ASTN2: variants seen among roughly 807,000 people sequenced by gnomAD.
ASTN2 encodes the protein astrotactin 2, also known as astrotactin-2.
In ASTN2, 54 loss-of-function variants were observed where a neutral mutation model predicts 139.8. The observed-to-expected ratio is 0.39, with a 90% CI of 0.31 to 0.48. The LOEUF (loss-of-function observed/expected upper bound fraction) is 0.48. Ranked by LOEUF, ASTN2 falls within the 20% of genes least tolerant of loss-of-function variation. The pLI is 0.95. For synonymous variants in ASTN2, 756 were observed against 719.5 expected, an observed-to-expected ratio of 1.05 and a Z score of -0.81; for missense variants, 1,565 against 1,725.1, an observed-to-expected ratio of 0.91 and a Z score of 1.64.
chr9:117,333,597 G>T (rs1053632722), intron 1 of ASTN2, among the ~76,000 whole-genome samples: 1 of 152,130 alleles, frequency 6.6e-6, no homozygotes, highest in Non-Finnish European at 1.5e-5. Flanking sequence ...TTCCACATAA[G>T]ACTTCAATAA....
chr9:116,747,399 G>A (rs951576487), intron 13 of ASTN2, among the ~76,000 whole-genome samples: 49 of 152,146 alleles, frequency 3.2e-4, no homozygotes, highest in African/African-American at 1.1e-3. Context: ...TGCAAATGCC[G>A]ATGCTGGTTG....
intron 1 of ASTN2, among the ~76,000 whole-genome samples, chr9:117,319,759 A>G (rs968036913): frequency 4.6e-5 from 7 of 152,138 alleles, no homozygotes; most frequent in Admixed American, 4.6e-4. Context: ...ATTAAGGCTC[A>G]ATGAGGTATT....
intron 1 of ASTN2, among the ~76,000 whole-genome samples, chr9:117,313,985 CCTT>C (rs755487853): frequency 6.6e-6 from 1 of 152,180 alleles, no homozygotes; most frequent in Non-Finnish European, 1.5e-5. Flanking sequence ...AAAATTCCCT[CCTT>C]GTTTTGTGCA....
intron 6 of ASTN2, among the ~76,000 whole-genome samples, chr9:117,028,095 G>A (rs1319761693): frequency 1.3e-5 from 2 of 152,118 alleles, no homozygotes; most frequent in Admixed American, 1.3e-4. Context: ...GTTAATCCCA[G>A]AATCTAAGTC....
intron 13 of ASTN2, among the ~76,000 whole-genome samples, chr9:116,744,175 C>A (rs780704282): frequency 6.6e-6 from 1 of 151,932 alleles, no homozygotes; most frequent in Non-Finnish European, 1.5e-5. Flanking sequence ...TGTGTGTGGG[C>A]GCATGTGTGT....
chr9:116,920,478 G>C (rs1834574356), intron 10 of ASTN2, among the ~76,000 whole-genome samples: 2 of 152,148 alleles, frequency 1.3e-5, no homozygotes, highest in Admixed American at 1.3e-4. Flanking sequence ...AAAAATCCTG[G>C]GTCAGGATCC....
At chr9:117,351,792 T>C (rs1829398484) in intron 1 of ASTN2, among the ~76,000 whole-genome samples, 1 of 152,080 alleles carries the variant, frequency 6.6e-6, no homozygotes, top group African/African-American at 2.4e-5. Context: ...CTATATTAGT[T>C]CATTAATTTG....
chr9:117,403,643 A>C (rs1433952326), intron 1 of ASTN2, among the ~76,000 whole-genome samples: 2 of 152,038 alleles, frequency 1.3e-5, no homozygotes. Context: ...TGCTAATGGA[A>C]ATGTTCCTTC....
rs186354514 is a variant in ASTN2, at chr9:117,350,091, G to A, written c.443-58578C>T. 7.3e-4 allele frequency among the ~76,000 whole-genome samples: 111 copies of A among 152,280 alleles called. 1 individual carries two copies. The highest frequency in any genetic ancestry group is 2.3e-3 in the African/African-American group (97 of 41,570). On this transcript the variant is annotated intron_variant, in intron 1 of 22. Coordinates refer to ENST00000313400, the MANE Select transcript of ASTN2 (RefSeq NM_001365068.1). ...TGATAATGTAAGATGGTAACATTAG[G>A]GGAAGCTGGGTAAGTGGTATATAGA...
intron 20 of ASTN2, among the ~76,000 whole-genome samples, chr9:116,481,578 G>C (rs1849170150): frequency 6.6e-6 from 1 of 152,170 alleles, no homozygotes; most frequent in South Asian, 2.1e-4. Context: ...GAAAAACATA[G>C]AGTGGCACTG....
intron 16 of ASTN2, among the ~76,000 whole-genome samples, chr9:116,720,281 G>C (rs1261464237): frequency 6.6e-6 from 1 of 152,194 alleles, no homozygotes; most frequent in Non-Finnish European, 1.5e-5. Context: ...AATGATAATA[G>C]AGATAAGACA....
rs373853273 is a variant in ASTN2 at position 116,698,320 on chromosome 9, G to T, written c.2806+27451C>A. ...CTCCAGGAGTATGGGCATGAGGAGCGCAGGGTCCAGGATGAGCTGGCTCGC... is the reference window on the plus strand; with the variant it reads ...CTCCAGGAGTATGGGCATGAGGAGCTCAGGGTCCAGGATGAGCTGGCTCGC... On this transcript the variant is annotated intron_variant, in intron 16 of 22. Coordinates refer to ENST00000313400, the MANE Select transcript of ASTN2 (RefSeq NM_001365068.1). This position sits in a 1 kb window ranked among gnomAD's most constrained non-coding sequence, Gnocchi z 4.4. The T allele has an allele frequency of 1.2e-6, 2 of 1,614,142 alleles. No homozygotes were observed. The highest frequency in any genetic ancestry group is 1.7e-6 in the Non-Finnish European group (2 of 1,180,036).
chr9:117,365,536 A>G (rs1383795161), intron 1 of ASTN2, among the ~76,000 whole-genome samples: 2 of 152,028 alleles, frequency 1.3e-5, no homozygotes, highest in Non-Finnish European at 2.9e-5. Flanking sequence ...GAGAGGGAAA[A>G]AAGAAAGGGC....
intron 13 of ASTN2, among the ~76,000 whole-genome samples, chr9:116,790,038 G>A (rs947307284): frequency 6.8e-6 from 1 of 147,752 alleles, no homozygotes; most frequent in African/African-American, 2.5e-5. Context: ...CGATTCTCCT[G>A]CCTCAGCCTC....
Position 117,190,563 on chromosome 9 carries a change from A to T in ASTN2, c.1015+23795T>A, listed in dbSNP as rs142112501. 2.0e-3 allele frequency among the ~76,000 whole-genome samples: 304 copies of T among 152,234 alleles called. 3 individuals carry two copies. The highest frequency in any genetic ancestry group is 7.1e-3 in the African/African-American group (294 of 41,538). ...CTATCAGGCTCTACATGACTTTCTT[A>T]CCACTGCTCCTATAACCCAATTTAT... On this transcript the variant is annotated intron_variant, in intron 3 of 22. Transcript: ENST00000313400.
At chr9:117,025,650 T>C (rs775984757) in intron 6 of ASTN2, among the ~76,000 whole-genome samples, 1 of 152,170 alleles carries the variant, frequency 6.6e-6, no homozygotes, top group Admixed American at 6.5e-5. Flanking sequence ...ATTACTCCAG[T>C]GATTCAAACC....
intron 4 of ASTN2, among the ~76,000 whole-genome samples, chr9:117,131,981 A>G (rs1829838477): frequency 6.6e-6 from 1 of 152,180 alleles, no homozygotes. Context: ...ATGATTTTAT[A>G]TGGTCAAATG....
At chr9:117,121,080 T>C (rs1829546463) in intron 4 of ASTN2, among the ~76,000 whole-genome samples, 1 of 152,254 alleles carries the variant, frequency 6.6e-6, no homozygotes, top group African/African-American at 2.4e-5. Flanking sequence ...GGTAAAATTA[T>C]TAGAAGAAGT....
chr9:117,015,736 A>T (rs1837655249), intron 6 of ASTN2, among the ~76,000 whole-genome samples: 1 of 152,206 alleles, frequency 6.6e-6, no homozygotes, highest in South Asian at 2.1e-4. Flanking sequence ...AAGGACAGTC[A>T]ACCTCTTTCT....
Sources: allele counts gnomAD v4.1 joint callset (sites outside exome capture counted in the v4.1 genomes callset), GRCh38; gene constraint gnomAD v4.1.1; non-coding constraint Gnocchi (gnomAD v3.1); transcripts MANE v1.5; gene names NCBI Gene and HGNC (gene_info 2026-07-23, HGNC 2026-07-21).